Variants in TMC1 observed in about 807,000 individuals in gnomAD.
The protein encoded by TMC1 is transmembrane channel like 1, also known as transmembrane channel-like protein 1.
In TMC1, 84 loss-of-function variants were observed where a neutral mutation model predicts 105.8. That is an observed-to-expected ratio of 0.79 (90% CI 0.67 to 0.95). The LOEUF (loss-of-function observed/expected upper bound fraction) is 0.95, where lower values mean the gene tolerates loss of function less well. Ranked by LOEUF, TMC1 falls within the 40% of genes least tolerant of loss-of-function variation. The pLI, the probability that TMC1 is intolerant of heterozygous loss-of-function variation, is 0.00. For missense variants in TMC1, 817 were observed against 914.1 expected, an observed-to-expected ratio of 0.89 and a Z score of 1.37; for synonymous variants, 315 against 311.5, an observed-to-expected ratio of 1.01 and a Z score of -0.12.
At chr9:72,627,478 CCT>C (rs2132132673) in intron 3 of TMC1, among the ~76,000 whole-genome samples, 1 of 152,312 alleles carries the variant, frequency 6.6e-6, no homozygotes, top group South Asian at 2.1e-4. Flanking sequence ...CTCCTCTAAT[CCT>C]CTCTTTCCCA....
rs550944229 is a variant in TMC1, at chr9:72,829,352, A to C, written c.2130-1099A>C. On this transcript the variant is annotated intron_variant, in intron 21 of 23. Coordinates refer to ENST00000297784, the MANE Select transcript of TMC1 (RefSeq NM_138691.3). ...TTTGGAGACTAGAAAAAGATTTGTG[A>C]GGAATACTTATTTAACGTGCATTAC... is the stretch of plus-strand genomic sequence containing the variant. 2.6e-5 allele frequency among the ~76,000 whole-genome samples: 4 copies of C among 152,326 alleles called. No homozygotes were observed. In the South Asian group the frequency reaches 8.3e-4, roughly 32 times the overall value.
intron 8 of TMC1, among the ~76,000 whole-genome samples, chr9:72,701,894 T>C (rs1826652376): frequency 6.6e-6 from 1 of 152,196 alleles, no homozygotes. Flanking sequence ...AAAATTGCAG[T>C]CTGGGAACTC....
At chr9:72,657,699 C>T (rs796834723) in intron 5 of TMC1, among the ~76,000 whole-genome samples, 2 of 152,062 alleles carry the variant, frequency 1.3e-5, no homozygotes, top group African/African-American at 2.4e-5. Context: ...GATGAAATTC[C>T]GCTTTTGTCT....
intron 1 of TMC1, among the ~76,000 whole-genome samples, chr9:72,540,977 A>G (rs1823665545): frequency 6.6e-6 from 1 of 152,152 alleles, no homozygotes; most frequent in South Asian, 2.1e-4. Flanking sequence ...CATCAATACT[A>G]CCCAGCTTTA....
chr9:72,762,759 G>T lies in TMC1; in HGVS notation c.741+7875G>T, dbSNP rs571750518. Among the ~76,000 whole-genome samples the T allele has an allele frequency of 2.0e-3, 299 of 152,288 alleles. 3 individuals are homozygous for T. The highest frequency in any genetic ancestry group is 2.0e-3 in the Non-Finnish European group (139 of 68,024). ...TCCTCCAATGGCTTTGCTGAGCAGGGTGGGCTGCTGCTCAGGCATGTAACG... is the reference window on the plus strand; with the variant it reads ...TCCTCCAATGGCTTTGCTGAGCAGGTTGGGCTGCTGCTCAGGCATGTAACG... On this transcript the variant is annotated intron_variant, in intron 12 of 23. Coordinates refer to ENST00000297784, the MANE Select transcript of TMC1 (RefSeq NM_138691.3).
At chr9:72,603,386 TACACAC>T (rs10584160) in intron 2 of TMC1, among the ~76,000 whole-genome samples, 6,806 of 145,128 alleles carry the variant, frequency 0.047, 255 homozygotes, top group African/African-American at 0.1. Flanking sequence ...CTCTCCCCAC[TACACAC>T]ACACACACAC....
chr9:72,561,317 C>CA (rs375862130), intron 1 of TMC1, among the ~76,000 whole-genome samples: 20,526 of 75,902 alleles, frequency 0.27, 3,483 homozygotes, highest in African/African-American at 0.47. Context: ...GACTCCGTCT[C>CA]AAAAAAAAAA....
intron 8 of TMC1, among the ~76,000 whole-genome samples, chr9:72,739,245 T>TA (rs1827349521): frequency 6.6e-6 from 1 of 152,178 alleles, no homozygotes; most frequent in Non-Finnish European, 1.5e-5. Flanking sequence ...GGCCACTACT[T>TA]ACAAGGGCAC....
intron 8 of TMC1, among the ~76,000 whole-genome samples, chr9:72,701,268 C>T (rs1437198882): frequency 6.6e-6 from 1 of 152,108 alleles, no homozygotes; most frequent in Non-Finnish European, 1.5e-5. Flanking sequence ...TGTCAGTGAC[C>T]CAATTTCAGT....
chr9:72,820,773 A>C, intron 19 of TMC1, 69 bp from the exon 20 acceptor site: 1 of 1,597,356 alleles, frequency 6.3e-7, no homozygotes, highest in Non-Finnish European at 8.6e-7. Context: ...ATGTCAAATA[A>C]ACAGGTGCAG....
At position 72,788,258 on chromosome 9, in the gene TMC1, C is replaced by A; in HGVS notation, c.885-81C>A. ...TCTTTTTGCTATTGCTTCTCCACTT[C>A]AACACTCATGATCATGTTTTGTTGC... On this transcript the variant is annotated intron_variant, in intron 13 of 23. Transcript: ENST00000297784. The A allele has an allele frequency of 2.7e-6, 4 of 1,495,340 alleles. No homozygotes were observed. In the Middle Eastern group the frequency reaches 6.9e-4, roughly 258 times the overall value. 92.6% of individuals were successfully genotyped at this position (1,495,340 alleles called of 1,614,324 possible). A position where few individuals can be genotyped will look rare whatever the true frequency, so the allele number is the denominator to read the frequency against.
chr9:72,685,137 TGC>T (rs1826356944), intron 5 of TMC1, among the ~76,000 whole-genome samples: 1 of 143,544 alleles, frequency 7.0e-6, no homozygotes, highest in African/African-American at 2.7e-5. Context: ...GACGGAGTCT[TGC>T]TCTTTCGCCC....
intron 1 of TMC1, among the ~76,000 whole-genome samples, chr9:72,535,514 C>T (rs951692876): frequency 4.6e-5 from 7 of 152,168 alleles, no homozygotes; most frequent in Non-Finnish European, 8.8e-5. Context: ...GCCTCACTTC[C>T]TCCTCAAGAA....
chr9:72,728,345 C>T (rs1827156603), intron 8 of TMC1, among the ~76,000 whole-genome samples: 1 of 152,098 alleles, frequency 6.6e-6, no homozygotes, highest in African/African-American at 2.4e-5. Context: ...CCTCTGGTGC[C>T]CTCTCTTGAC....
chr9:72,746,224 T>C (rs947215389), intron 10 of TMC1, among the ~76,000 whole-genome samples: 2 of 152,184 alleles, frequency 1.3e-5, no homozygotes, highest in African/African-American at 4.8e-5. Flanking sequence ...CATTTCGACA[T>C]CAGAATCATC....
intron 5 of TMC1, among the ~76,000 whole-genome samples, chr9:72,661,588 G>C (rs1466646818): frequency 6.6e-6 from 1 of 152,144 alleles, no homozygotes; most frequent in East Asian, 1.9e-4. Context: ...TACTTCTGTG[G>C]TATTAAGTAT....
At chr9:72,734,696 T>A (rs1225846588) in intron 8 of TMC1, among the ~76,000 whole-genome samples, 2 of 152,200 alleles carry the variant, frequency 1.3e-5, no homozygotes, top group Non-Finnish European at 2.9e-5. Context: ...ATGAAAAGAC[T>A]TTTCATTCTT....
chr9:72,812,360 G>A (rs1828720884), intron 18 of TMC1, among the ~76,000 whole-genome samples: 1 of 152,194 alleles, frequency 6.6e-6, no homozygotes, highest in Non-Finnish European at 1.5e-5. Flanking sequence ...AAGGGGTTGA[G>A]AACATGGGAA....
chr9:72,782,755 T>A (rs1014769693), intron 13 of TMC1, among the ~76,000 whole-genome samples: 6 of 152,030 alleles, frequency 3.9e-5, no homozygotes, highest in Admixed American at 2.6e-4. Flanking sequence ...ATCTCTACAA[T>A]GAGAATTACA....
Sources: gnomAD v4.1 joint callset for allele counts (sites outside exome capture counted in the v4.1 genomes callset) on GRCh38, gnomAD v4.1.1 for gene constraint, MANE v1.5 for transcripts, NCBI Gene and HGNC (gene_info 2026-07-23, HGNC 2026-07-21) for gene names.